The following HPSE2 variants were observed in gnomAD, a reference collection of about 807,000 sequenced individuals.
The protein encoded by HPSE2 is inactive heparanase-2.
HPSE2 carries 38 observed loss-of-function variants against 60.5 expected under a neutral mutation model. The observed-to-expected ratio is 0.63, with a 90% CI of 0.48 to 0.82. The LOEUF (loss-of-function observed/expected upper bound fraction) is 0.82. Ranked by LOEUF, HPSE2 falls within the 40% of genes least tolerant of loss-of-function variation. The probability of loss-of-function intolerance (pLI) is 0.00; values close to 1 mark genes in which losing one functional copy is unlikely to be tolerated. For synonymous variants in HPSE2, 295 were observed against 293.2 expected (o/e 1.01, Z -0.06); for missense variants, 713 against 740.4 (o/e 0.96, Z 0.43).
chr10:98,683,024 A>C (rs1283153503), intron 6 of HPSE2, among the ~76,000 whole-genome samples: 1 of 152,234 alleles, frequency 6.6e-6, no homozygotes, highest in East Asian at 1.9e-4. Flanking sequence ...AGATGTCAGT[A>C]TGCTAGAAGA....
At chr10:99,120,425 A>G (rs1446803509) in intron 3 of HPSE2, among the ~76,000 whole-genome samples, 2 of 152,066 alleles carry the variant, frequency 1.3e-5, no homozygotes, top group East Asian at 1.9e-4. Context: ...TCTGTTCTCC[A>G]TATCCTCTCC....
At chr10:98,481,700 G>T (rs1591245071) in intron 11 of HPSE2, among the ~76,000 whole-genome samples, 1 of 152,188 alleles carries the variant, frequency 6.6e-6, no homozygotes. Context: ...AGCCACCAAG[G>T]TTGCAGTGAA....
chr10:99,107,283 C>G (rs905903786), intron 3 of HPSE2, among the ~76,000 whole-genome samples: 1 of 152,042 alleles, frequency 6.6e-6, no homozygotes, highest in Non-Finnish European at 1.5e-5. Flanking sequence ...GTATTTAAAC[C>G]TTCCCTTAAA....
chr10:98,464,825 T>C (rs1256316647), intron 11 of HPSE2, among the ~76,000 whole-genome samples: 1 of 152,236 alleles, frequency 6.6e-6, no homozygotes, highest in Non-Finnish European at 1.5e-5. Flanking sequence ...CTATTGCTCT[T>C]GTTGGCTTGT....
At chr10:99,256,306 T>C in the HPSE2 span, among the ~76,000 whole-genome samples, 1 of 148,640 alleles carries the variant, frequency 6.7e-6, no homozygotes, top group Non-Finnish European at 1.5e-5. Flanking sequence ...ATAAAAAGGC[T>C]TGAGCCTGCA....
chr10:99,231,402 T>C (rs569636899), intron 2 of HPSE2, among the ~76,000 whole-genome samples: 37 of 152,204 alleles, frequency 2.4e-4, no homozygotes, highest in Admixed American at 1.3e-4. Flanking sequence ...ATGCCTCTTC[T>C]ATCCAATCTT....
chr10:98,894,046 T>C (rs1953413451), intron 3 of HPSE2, among the ~76,000 whole-genome samples: 1 of 152,324 alleles, frequency 6.6e-6, no homozygotes, highest in Admixed American at 6.5e-5. Context: ...CAGATTGGCC[T>C]TCACATAAAT....
chr10:98,837,885 A>AC (rs1199332587), intron 3 of HPSE2, among the ~76,000 whole-genome samples: 2 of 151,970 alleles, frequency 1.3e-5, no homozygotes, highest in Non-Finnish European at 1.5e-5. Context: ...AAAAAAAAAA[A>AC]AGAAACCTCC....
chr10:98,702,999 T>C (rs1300548042), intron 5 of HPSE2, among the ~76,000 whole-genome samples: 1 of 152,086 alleles, frequency 6.6e-6, no homozygotes, highest in African/African-American at 2.4e-5. Context: ...ATCCAGGAGC[T>C]GGTTTTTAGT....
At chr10:98,968,909 C>T (rs1442084570) in intron 3 of HPSE2, among the ~76,000 whole-genome samples, 3 of 151,974 alleles carry the variant, frequency 2.0e-5, no homozygotes, top group South Asian at 2.1e-4. Flanking sequence ...GCTCAGGTGA[C>T]GGGTTCACCA....
At chr10:98,489,991 C>G in intron 10 of HPSE2, 60 bp downstream of exon 10, 1 of 1,606,722 alleles carries the variant, frequency 6.2e-7, no homozygotes. Context: ...GAAGGGGTCC[C>G]AAATGGTATG....
At chr10:98,762,262 C>T (rs955994276) in intron 3 of HPSE2, among the ~76,000 whole-genome samples, 1 of 134,756 alleles carries the variant, frequency 7.4e-6, no homozygotes, top group African/African-American at 2.9e-5. Flanking sequence ...AAAGAAGTCC[C>T]AGTCTCACAG....
chr10:98,988,432 G>A (rs1956430828), intron 3 of HPSE2, among the ~76,000 whole-genome samples: 1 of 151,100 alleles, frequency 6.6e-6, no homozygotes, highest in Non-Finnish European at 1.5e-5. Context: ...TGGGAAAACT[G>A]GCTAGCCATA....
chr10:99,011,874 TC>T (rs993905368), intron 3 of HPSE2, among the ~76,000 whole-genome samples: 1 of 151,790 alleles, frequency 6.6e-6, no homozygotes, highest in African/African-American at 2.4e-5. Context: ...TTAAAAGCAT[TC>T]AAAAATGCTT....
intron 4 of HPSE2, among the ~76,000 whole-genome samples, chr10:98,722,286 C>G (rs1024814144): frequency 1.3e-5 from 2 of 150,246 alleles, no homozygotes; most frequent in African/African-American, 4.9e-5. Context: ...AGTTCAGATA[C>G]CCAGACACAG....
At chr10:98,628,232 T>C (rs1946269348) in intron 7 of HPSE2, among the ~76,000 whole-genome samples, 1 of 152,148 alleles carries the variant, frequency 6.6e-6, no homozygotes, top group South Asian at 2.1e-4. Flanking sequence ...TGGTGACATG[T>C]AGTGGAGGTA....
At chr10:99,191,760 T>C (rs910577268) in intron 2 of HPSE2, among the ~76,000 whole-genome samples, 1 of 152,128 alleles carries the variant, frequency 6.6e-6, no homozygotes, top group African/African-American at 2.4e-5. Context: ...CAGGAAAATA[T>C]GACCTCACCA....
Position 98,972,467 on chromosome 10 carries a change from G to C in HPSE2, c.610+171771C>G, listed in dbSNP as rs1037823791. 3.8e-4 allele frequency among the ~76,000 whole-genome samples: 57 copies of C among 151,970 alleles called. 1 individual carries two copies. Among genetic ancestry groups the C allele is most frequent in the Non-Finnish European group, 7.4e-5 (5 of 67,972 alleles). On this transcript the variant is annotated intron_variant, in intron 3 of 11. Transcript: ENST00000370552. ...TGAGAAGACATTTCTCGAGCCCTTAGTTCACAGAGATATTCACTTACTTTT... is the reference window on the plus strand; with the variant it reads ...TGAGAAGACATTTCTCGAGCCCTTACTTCACAGAGATATTCACTTACTTTT...
chr10:98,929,409 A>G (rs1954581238), intron 3 of HPSE2, among the ~76,000 whole-genome samples: 1 of 144,298 alleles, frequency 6.9e-6, no homozygotes, highest in Non-Finnish European at 1.5e-5. Context: ...TTGTCTGCAA[A>G]ATGGAAAATG....
Sources: gnomAD v4.1 joint callset for allele counts (sites outside exome capture counted in the v4.1 genomes callset) on GRCh38, gnomAD v4.1.1 for gene constraint, MANE v1.5 for transcripts, NCBI Gene and HGNC (gene_info 2026-07-23, HGNC 2026-07-21) for gene names.